The following ABCA8 variants were observed in gnomAD, a reference collection of about 807,000 sequenced individuals.
ABCA8 encodes the protein ABC-type organic anion transporter ABCA8.
Under a neutral mutation model 192.3 loss-of-function variants are expected in ABCA8, and 177 were observed. The ratio of observed to expected loss-of-function variants is 0.92; its 90% CI spans 0.81 to 1.04. ABCA8 has a LOEUF of 1.04. Ranked by LOEUF, ABCA8 falls within the 50% of genes least tolerant of loss-of-function variation. The pLI is 0.00. For missense variants in ABCA8, 1,915 were observed against 1,904.8 expected, an observed-to-expected ratio of 1.01 and a Z score of -0.10; for synonymous variants, 642 against 690.2, an observed-to-expected ratio of 0.93 and a Z score of 1.09.
At chr17:68,919,549 G>A (rs1201170187) in intron 13 of ABCA8, 73 bp from the exon 14 acceptor site, 2 of 1,314,578 alleles carry the variant, frequency 1.5e-6, no homozygotes, top group African/African-American at 2.9e-5. Context: ...TTAATTAAAT[G>A]TACGTATGAC....
At chr17:68,952,956 A>T (rs1439560965) in intron 1 of ABCA8, among the ~76,000 whole-genome samples, 1 of 152,194 alleles carries the variant, frequency 6.6e-6, no homozygotes, top group South Asian at 2.1e-4. Flanking sequence ...AGTTTATTGC[A>T]GCAGGCACAT....
At chr17:68,884,654 A>C (rs1433024233) in intron 27 of ABCA8, 9 of 1,163,190 alleles carry the variant, frequency 7.7e-6, no homozygotes, top group Non-Finnish European at 8.5e-6. Context: ...CTCCCCAAAC[A>C]GTGAGAGACA....
At chr17:68,934,885 A>G (rs2068012424) in intron 5 of ABCA8, among the ~76,000 whole-genome samples, 1 of 152,178 alleles carries the variant, frequency 6.6e-6, no homozygotes, top group Non-Finnish European at 1.5e-5. Flanking sequence ...TGGTTTCAAC[A>G]CGCAGTTTCC....
intron 9 of ABCA8, 89 bp downstream of exon 9, chr17:68,928,960 G>T: frequency 8.9e-7 from 1 of 1,127,148 alleles, no homozygotes; most frequent in Non-Finnish European, 1.2e-6. Context: ...GCCTTACAAT[G>T]CTGAGTTTGT....
At chr17:68,920,388 C>T (rs1021038023) in intron 13 of ABCA8, among the ~76,000 whole-genome samples, 11 of 151,614 alleles carry the variant, frequency 7.3e-5, no homozygotes, top group African/African-American at 2.7e-4. Context: ...TACATGCACC[C>T]CCAAACCTAA....
In ABCA8 at chr17:68,928,072, T is replaced by G; in HGVS notation, c.1126-9A>C. On this transcript the variant is annotated splice_polypyrimidine_tract_variant and intron_variant, in intron 9 of 39. Coordinates refer to ENST00000586539, the MANE Select transcript of ABCA8 (RefSeq NM_001288985.2). ...TAGTCCAAGTGTAAAAGCTGAAAAT[T>G]AAAAAGTAATTAATTAAGGGAAATT... 1 of 1,568,726 alleles carries G rather than the reference T, an allele frequency of 6.4e-7. No individual in the cohort carries two copies. The highest frequency in any genetic ancestry group is 8.6e-7 in the Non-Finnish European group (1 of 1,157,086).
chr17:68,901,882 C>T (rs182939770), intron 21 of ABCA8, among the ~76,000 whole-genome samples: 61 of 151,502 alleles, frequency 4.0e-4, no homozygotes, highest in Middle Eastern at 3.5e-3. Flanking sequence ...GAAAAACAGT[C>T]TGGCAGGTCC....
At position 68,929,225 on chromosome 17, in the gene ABCA8, C is replaced by T; in HGVS notation, c.949G>A (p.Ala317Thr). Residue 317 changes from alanine (A) to threonine (T), a missense_variant, in exon 9 of 40, where the codon GCT (alanine) becomes ACT (threonine). Coordinates refer to ENST00000586539, the MANE Select transcript of ABCA8 (RefSeq NM_001288985.2). ...LLYGLSLVALAFLMSILVKKS... is the reference protein window; with the variant it reads ...LLYGLSLVALTFLMSILVKKS... ...TTTACCAAGATGCTCATTAAGAAAG[C>T]CAAAGCTACCTAAAATGAGAGAAGA... 1.3e-6 allele frequency: 2 copies of T among 1,588,834 alleles called. No individual in the cohort carries two copies. The highest frequency in any genetic ancestry group is 2.3e-5 in the South Asian group (2 of 85,112).
intron 2 of ABCA8, among the ~76,000 whole-genome samples, chr17:68,946,129 G>A (rs907373460): frequency 3.3e-5 from 5 of 151,848 alleles, no homozygotes; most frequent in Admixed American, 1.3e-4. Context: ...GTGCAGGGGC[G>A]CCATCTTGGC....
At chr17:68,907,959 A>G (rs1447246107) in intron 17 of ABCA8, 80 bp from the exon 18 acceptor site, 7 of 1,255,420 alleles carry the variant, frequency 5.6e-6, no homozygotes, top group Non-Finnish European at 7.3e-6. Flanking sequence ...ACTAGTCTCT[A>G]TAGGACAAAG....
In ABCA8 at chr17:68,882,579, A is replaced by C. The variant is rs758052698; in HGVS notation, c.3828+20T>G. On this transcript the variant is annotated intron_variant, in intron 30 of 39. Transcript: ENST00000586539. ...GACTGGTAGACTGACTAATAAAAAA[A>C]CCTTTGTGTTATGTTTTACCTCATC... The C allele has an allele frequency of 6.3e-7, 1 of 1,596,782 alleles. No individual in the cohort carries two copies. The highest frequency in any genetic ancestry group is 1.1e-5 in the South Asian group (1 of 88,396).
At chr17:68,916,958 A>G (rs1167911843) in intron 17 of ABCA8, among the ~76,000 whole-genome samples, 1 of 152,248 alleles carries the variant, frequency 6.6e-6, no homozygotes, top group Non-Finnish European at 1.5e-5. Context: ...ATGTTTGTAC[A>G]AACACCTGTG....
rs192434770 is a variant in ABCA8 at position 68,911,618 on chromosome 17, C to T, written c.2139-3739G>A. 8.5e-4 allele frequency among the ~76,000 whole-genome samples: 130 copies of T among 152,230 alleles called. 2 individuals carry two copies. The highest frequency in any genetic ancestry group is 3.1e-3 in the African/African-American group (127 of 41,546). On this transcript the variant is annotated intron_variant, in intron 17 of 39. Transcript: ENST00000586539. This position sits in a 1 kb window ranked among gnomAD's most constrained non-coding sequence, Gnocchi z 5.7. Reference sequence around the variant, plus strand: ...GGCGGTAGCCAGGCAGTGGTCGCTGCGGGTCTTGGGAAAGACCCAGTGCTG... The same window carrying T: ...GGCGGTAGCCAGGCAGTGGTCGCTGTGGGTCTTGGGAAAGACCCAGTGCTG...
At chr17:68,938,685 C>G (rs2068141872) in intron 4 of ABCA8, among the ~76,000 whole-genome samples, 1 of 152,086 alleles carries the variant, frequency 6.6e-6, no homozygotes, top group African/African-American at 2.4e-5. Context: ...AAAATTATAA[C>G]TCAACTCATA....
intron 12 of ABCA8, 46 bp from the exon 13 acceptor site, chr17:68,921,538 G>A (rs1490764618): frequency 3.9e-6 from 5 of 1,298,136 alleles, no homozygotes; most frequent in South Asian, 2.7e-5. Flanking sequence ...TAAAGGGATG[G>A]AAAACAATTA....
Position 68,940,780 on chromosome 17 carries a change from T to C in ABCA8, c.279A>G (p.Val93=). ...TNTTQQIMNK[V]ASTPFLAGKE... Reference sequence around the variant, plus strand: ...TACCTGCCAGGAAGGGAGTAGAGGCTACTTTATTCATTATCTGTTGGGTCG... The same window carrying C: ...TACCTGCCAGGAAGGGAGTAGAGGCCACTTTATTCATTATCTGTTGGGTCG... The change falls in exon 4 of 40, where the codon GTA becomes GTG. Residue 93 remains valine, a synonymous_variant. Coordinates refer to ENST00000586539, the MANE Select transcript of ABCA8 (RefSeq NM_001288985.2). 1.9e-6 allele frequency: 3 copies of C among 1,613,482 alleles called. No homozygotes were observed. Among genetic ancestry groups the C allele is most frequent in the Non-Finnish European group, 2.5e-6 (3 of 1,179,498 alleles).
intron 37 of ABCA8, among the ~76,000 whole-genome samples, chr17:68,873,170 C>A (rs2143212863): frequency 6.6e-6 from 1 of 152,244 alleles, no homozygotes; most frequent in South Asian, 2.1e-4. Flanking sequence ...CATTTTTTAT[C>A]TTTTATGCCG....
At chr17:68,907,290 C>T (rs1045231196) in intron 18 of ABCA8, among the ~76,000 whole-genome samples, 1 of 151,838 alleles carries the variant, frequency 6.6e-6, no homozygotes, top group Non-Finnish European at 1.5e-5. Context: ...CCTTATAGTG[C>T]CCCATTGTTA....
chr17:68,929,336 T>C (rs1185211194), intron 8 of ABCA8, 102 bp from the exon 9 acceptor site: 1 of 1,094,594 alleles, frequency 9.1e-7, no homozygotes, highest in Non-Finnish European at 1.3e-6. Flanking sequence ...TATGTAACAG[T>C]TGTATATTAT....
Sources: allele counts gnomAD v4.1 joint callset (sites outside exome capture counted in the v4.1 genomes callset), GRCh38; gene constraint gnomAD v4.1.1; non-coding constraint Gnocchi (gnomAD v3.1); transcripts MANE v1.5; gene names NCBI Gene and HGNC (gene_info 2026-07-23, HGNC 2026-07-21).